CDKN1A: variants seen among roughly 807,000 people sequenced by gnomAD.
CDKN1A encodes cyclin-dependent kinase inhibitor 1.
Under a neutral mutation model 14.8 loss-of-function variants are expected in CDKN1A, and 14 were observed. The ratio of observed to expected loss-of-function variants is 0.94; its 90% CI spans 0.62 to 1.48. CDKN1A has a LOEUF of 1.48. Among genes scored for constraint, CDKN1A ranks in the 40% most tolerant of loss-of-function variants. CDKN1A has a pLI of 0.00. For missense variants in CDKN1A, 203 were observed against 231.7 expected (o/e 0.88, Z 0.80); for synonymous variants, 92 against 93.5 (o/e 0.98, Z 0.09).
intron 1 of CDKN1A, among the ~76,000 whole-genome samples, chr6:36,681,443 T>C (rs1199585381): frequency 2.0e-5 from 3 of 148,928 alleles, no homozygotes; most frequent in Non-Finnish European, 4.4e-5. Flanking sequence ...CTTTCTCTCT[T>C]TCTTTCTTTT....
In CDKN1A at chr6:36,685,766, A is replaced by G; in HGVS notation, c.461A>G (p.Lys154Arg). The change falls in exon 3 of 3, where the codon AAA (lysine) becomes AGA (arginine). Residue 154 changes from lysine (K) to arginine (R), a missense_variant. Lys to Arg is a conservative substitution (Grantham distance 26). Coordinates refer to ENST00000244741, the MANE Select transcript of CDKN1A (RefSeq NM_000389.5). ...CTCTCCTCAGATTTCTACCACTCCA[A>G]ACGCCGGCTGATCTTCTCCAAGAGG... ...QTSMTDFYHSKRRLIFSKRKP is the reference protein window; with the variant it reads ...QTSMTDFYHSRRRLIFSKRKP 3.7e-6 allele frequency: 6 copies of G among 1,614,118 alleles called. No individual in the cohort carries two copies. Among genetic ancestry groups the G allele is most frequent in the Non-Finnish European group, 5.1e-6 (6 of 1,180,012 alleles).
At chr6:36,679,105 C>T (rs1292556421) in intron 1 of CDKN1A, among the ~76,000 whole-genome samples, 1 of 152,178 alleles carries the variant, frequency 6.6e-6, no homozygotes. Context: ...CCAGCTGGGG[C>T]GAGGGAGGGC....
chr6:36,681,408 C>CTTTCTTCCTTTCTCTTTCTCTCTTT lies in CDKN1A; in HGVS notation c.-6+2610_-6+2611insTTTCTTCCTTTCTCTTTCTCTCTTT, dbSNP rs1562038520. Among the ~76,000 whole-genome samples, 10 of 66,608 alleles carry CTTTCTTCCTTTCTCTTTCTCTCTTT rather than the reference C, an allele frequency of 1.5e-4. No individual in the cohort carries two copies. The South Asian group carries it at 1.6e-3, about 10-fold the overall frequency. The allele number at this position is 66,608 out of a possible 152,430, so 43.7% of individuals were successfully genotyped here. A position where few individuals can be genotyped will look rare whatever the true frequency, so the allele number is the denominator to read the frequency against. On this transcript the variant is annotated intron_variant, in intron 1 of 2. Transcript: ENST00000244741. ...TTCTTTCTTTCTTTCTTTCTTTCTT[C>CTTTCTTCCTTTCTCTTTCTCTCTTT]CTTTCTCTTTCTCTCTTTCTTTCTC...
chr6:36,686,336 G>C lies in CDKN1A; in HGVS notation c.*536G>C, dbSNP rs942480428. Reference sequence around the variant, plus strand: ...TTTGGAGTCCCCTCACCTCCTCTAAGGTTGGGCAGGGTGACCCTGAAGTGA... The same window carrying C: ...TTTGGAGTCCCCTCACCTCCTCTAACGTTGGGCAGGGTGACCCTGAAGTGA... On this transcript the variant is annotated 3_prime_UTR_variant, in exon 3 of 3. Transcript: ENST00000244741. The surrounding 1 kb of genome is among the most constrained non-coding windows in gnomAD (Gnocchi z 4.9). 7.2e-6 allele frequency: 2 copies of C among 278,868 alleles called. No individual in the cohort carries two copies. Among genetic ancestry groups the C allele is most frequent in the African/African-American group, 4.4e-5 (2 of 45,900 alleles). The allele number at this position is 278,868 out of a possible 1,614,324, so 17.3% of individuals were successfully genotyped here. A position where few individuals can be genotyped will look rare whatever the true frequency, so the allele number is the denominator to read the frequency against.
chr6:36,678,755 G>C lies in CDKN1A; in HGVS notation c.-49G>C, dbSNP rs1290626298. The C allele has an allele frequency of 4.1e-6, 4 of 985,602 alleles. No individual in the cohort carries two copies. Among genetic ancestry groups the C allele is most frequent in the Admixed American group, 6.1e-5 (1 of 16,284 alleles). 61.1% of individuals were successfully genotyped at this position (985,602 alleles called of 1,614,324 possible). Reference sequence around the variant, plus strand: ...CCGAAGTCAGTTCCTTGTGGAGCCGGAGCTGGGCGCGGATTCGCCGAGGCA... The same window carrying C: ...CCGAAGTCAGTTCCTTGTGGAGCCGCAGCTGGGCGCGGATTCGCCGAGGCA... On this transcript the variant is annotated 5_prime_UTR_variant, in exon 1 of 3. Transcript: ENST00000244741. The surrounding 1 kb of genome is among the most constrained non-coding windows in gnomAD (Gnocchi z 5.7).
intron 1 of CDKN1A, among the ~76,000 whole-genome samples, chr6:36,682,887 G>T (rs746816513): frequency 6.6e-5 from 10 of 152,254 alleles, no homozygotes; most frequent in Non-Finnish European, 1.5e-4. Context: ...GGGCTGCCAG[G>T]TGTCTAGACT....
intron 1 of CDKN1A, among the ~76,000 whole-genome samples, chr6:36,681,472 T>C (rs967508799): frequency 2.7e-5 from 4 of 149,130 alleles, no homozygotes; most frequent in Non-Finnish European, 4.4e-5. Flanking sequence ...AGAGTTGCAC[T>C]CTGTCACCCA....
chr6:36,686,669 G>A lies in CDKN1A; in HGVS notation c.*869G>A, dbSNP rs181534480. On this transcript the variant is annotated 3_prime_UTR_variant, in exon 3 of 3. Coordinates refer to ENST00000244741, the MANE Select transcript of CDKN1A (RefSeq NM_000389.5). This position sits in a 1 kb window ranked among gnomAD's most constrained non-coding sequence, Gnocchi z 4.9. ...TCTCAGCTCCAGGTGGCTCTGAGGT[G>A]CCTGTCCCACCCCCACCCCCAGCTC... is the stretch of plus-strand genomic sequence containing the variant. The A allele has an allele frequency of 8.6e-6, 2 of 233,792 alleles. No individual in the cohort carries two copies. The highest frequency in any genetic ancestry group is 4.4e-5 in the African/African-American group (2 of 45,298). 14.5% of individuals were successfully genotyped at this position (233,792 alleles called of 1,614,324 possible).
In CDKN1A at chr6:36,684,544, CAG is replaced by C; in HGVS notation, c.444_445del (p.Asp149PhefsTer47). On this transcript the variant is annotated frameshift_variant and splice_region_variant, in exon 2 of 3. Transcript: ENST00000244741. LOFTEE classifies it high-confidence loss of function. This position sits in a 1 kb window ranked among gnomAD's most constrained non-coding sequence, Gnocchi z 6.0. ...CGAAAACGGCGGCAGACCAGCATGACAGGTGCGGACATGTGCACGGAAGGACT... is the reference window on the plus strand; with the variant it reads ...CGAAAACGGCGGCAGACCAGCATGACGTGCGGACATGTGCACGGAAGGACT... The C allele has an allele frequency of 1.2e-6, 2 of 1,613,958 alleles. No homozygotes were observed. Among genetic ancestry groups the C allele is most frequent in the Non-Finnish European group, 8.5e-7 (1 of 1,179,874 alleles).
rs1393307997 is a variant in CDKN1A, at chr6:36,686,812, C to T, written c.*1012C>T. The T allele has an allele frequency of 4.3e-6, 1 of 233,932 alleles. No individual in the cohort carries two copies. The highest frequency in any genetic ancestry group is 1.8e-4 in the South Asian group (1 of 5,534). The allele number at this position is 233,932 out of a possible 1,614,324, so 14.5% of individuals were successfully genotyped here. On this transcript the variant is annotated 3_prime_UTR_variant, in exon 3 of 3. Transcript: ENST00000244741. This position sits in a 1 kb window ranked among gnomAD's most constrained non-coding sequence, Gnocchi z 4.9. Reference sequence around the variant, plus strand: ...TGGGGGTGAGGGTCCCATGTGGTGGCACAGGCCCCCTTGAGTGGGGTTATC... The same window carrying T: ...TGGGGGTGAGGGTCCCATGTGGTGGTACAGGCCCCCTTGAGTGGGGTTATC...
At chr6:36,682,663 C>T (rs577700556) in intron 1 of CDKN1A, 194 of 152,400 alleles carry the variant, frequency 1.3e-3, no homozygotes, top group African/African-American at 4.4e-3. Context: ...GGACTTGTCC[C>T]TAGGAAAATC....
At chr6:36,685,345 G>GA (rs1469989482) in intron 2 of CDKN1A, among the ~76,000 whole-genome samples, 1 of 152,224 alleles carries the variant, frequency 6.6e-6, no homozygotes, top group Non-Finnish European at 1.5e-5. Flanking sequence ...ACTCTGCAGG[G>GA]ATGGGAGTGT....
rs1258434302 is a variant in CDKN1A at position 36,686,888 on chromosome 6, A to G, written c.*1088A>G. On this transcript the variant is annotated 3_prime_UTR_variant, in exon 3 of 3. Coordinates refer to ENST00000244741, the MANE Select transcript of CDKN1A (RefSeq NM_000389.5). The surrounding 1 kb of genome is among the most constrained non-coding windows in gnomAD (Gnocchi z 4.9). The stretch of plus-strand genomic sequence containing the variant: ...GAGTAGATCTTTCTAGGAGGGAGAC[A>G]CTGGCCCCTCAAATCGTCCAGCGAC... 4.3e-6 allele frequency: 1 copy of G among 233,602 alleles called. No individual in the cohort carries two copies. The highest frequency in any genetic ancestry group is 8.5e-6 in the Non-Finnish European group (1 of 118,096). The allele number at this position is 233,602 out of a possible 1,614,324, so 14.5% of individuals were successfully genotyped here.
rs762632530 is a variant in CDKN1A at position 36,685,828 on chromosome 6, G to A, written c.*28G>A. On this transcript the variant is annotated 3_prime_UTR_variant, in exon 3 of 3. Transcript: ENST00000244741. ...CGCCCACAGGAAGCCTGCAGTCCTGGAAGCGCGAGGGCCTCAAAGGCCCGC... is the reference window on the plus strand; with the variant it reads ...CGCCCACAGGAAGCCTGCAGTCCTGAAAGCGCGAGGGCCTCAAAGGCCCGC... The A allele has an allele frequency of 6.2e-7, 1 of 1,606,922 alleles. No individual in the cohort carries two copies. The highest frequency in any genetic ancestry group is 1.1e-5 in the South Asian group (1 of 90,934).
At chr6:36,679,118 G>A (rs1274053791) in intron 1 of CDKN1A, among the ~76,000 whole-genome samples, 1 of 152,258 alleles carries the variant, frequency 6.6e-6, no homozygotes, top group African/African-American at 2.4e-5. Flanking sequence ...GGGAGGGCGT[G>A]GACGGGACCG....
At chr6:36,683,626 G>A (rs765305602) in intron 1 of CDKN1A, among the ~76,000 whole-genome samples, 6 of 152,182 alleles carry the variant, frequency 3.9e-5, no homozygotes, top group Non-Finnish European at 5.9e-5. Flanking sequence ...GATCTGGGTC[G>A]GGGGACTTAG....
At position 36,684,745 on chromosome 6, in the gene CDKN1A, A is replaced by G. The variant is rs1412044928; in HGVS notation, c.445+199A>G. On this transcript the variant is annotated intron_variant, in intron 2 of 2. Coordinates refer to ENST00000244741, the MANE Select transcript of CDKN1A (RefSeq NM_000389.5). This position sits in a 1 kb window ranked among gnomAD's most constrained non-coding sequence, Gnocchi z 6.0. ...TAGCTAACATTTATTGGGAATGTTC[A>G]TTATGCCAGGCCCTTTGCCAAGCTT... is the stretch of plus-strand genomic sequence containing the variant. Among the ~76,000 whole-genome samples the G allele has an allele frequency of 1.3e-5, 2 of 152,216 alleles. No homozygotes were observed. Among genetic ancestry groups the G allele is most frequent in the Admixed American group, 1.3e-4 (2 of 15,284 alleles).
chr6:36,681,360 C>CTTTCT (rs1582572388), intron 1 of CDKN1A, among the ~76,000 whole-genome samples: 1 of 50,138 alleles, frequency 2.0e-5, no homozygotes, highest in African/African-American at 7.1e-5. Context: ...CTTTTTCTTT[C>CTTTCT]TTTTCTTTCT....
chr6:36,679,743 C>A (rs948120470), intron 1 of CDKN1A, among the ~76,000 whole-genome samples: 10 of 152,132 alleles, frequency 6.6e-5, no homozygotes, highest in Non-Finnish European at 1.3e-4. Flanking sequence ...TCCTCTACCT[C>A]TTTCCCACCG....
Sources: allele counts gnomAD v4.1 joint callset (sites outside exome capture counted in the v4.1 genomes callset), GRCh38; gene constraint gnomAD v4.1.1; non-coding constraint Gnocchi (gnomAD v3.1); transcripts MANE v1.5; gene names NCBI Gene and HGNC (gene_info 2026-07-23, HGNC 2026-07-21).